PDGFD: variants seen among roughly 807,000 people sequenced by gnomAD.
The protein encoded by PDGFD is platelet-derived growth factor D.
In PDGFD, 30 loss-of-function variants were observed where a neutral mutation model predicts 44.7. The observed-to-expected ratio is 0.67, with a 90% CI of 0.50 to 0.91. The LOEUF is 0.91. Among genes scored for constraint, PDGFD ranks in the 40% least tolerant of loss-of-function variants. PDGFD has a pLI of 0.00. For missense variants in PDGFD, 445 were observed against 457.8 expected (o/e 0.97, Z 0.25); for synonymous variants, 173 against 168.4 (o/e 1.03, Z -0.21).
intron 3 of PDGFD, among the ~76,000 whole-genome samples, chr11:103,981,906 C>A (rs781340569): frequency 1.3e-5 from 2 of 151,838 alleles, no homozygotes; most frequent in Non-Finnish European, 2.9e-5. Context: ...TATGGTGTTA[C>A]AGTTACACAG....
chr11:104,031,323 G>T (rs1410883891), intron 1 of PDGFD, among the ~76,000 whole-genome samples: 1 of 152,140 alleles, frequency 6.6e-6, no homozygotes, highest in African/African-American at 2.4e-5. Flanking sequence ...ATTAAAAAGT[G>T]GGCAAAGGAC....
intron 3 of PDGFD, among the ~76,000 whole-genome samples, chr11:103,993,550 C>T (rs1241305465): frequency 2.0e-5 from 3 of 151,996 alleles, no homozygotes; most frequent in Non-Finnish European, 4.4e-5. Context: ...TTAATTTACA[C>T]CTGGCCTACT....
intron 1 of PDGFD, among the ~76,000 whole-genome samples, chr11:104,035,688 T>C (rs770343777): frequency 5.9e-5 from 9 of 151,980 alleles, no homozygotes; most frequent in Non-Finnish European, 1.2e-4. Flanking sequence ...CTTCATATCC[T>C]GGTATTCAAA....
chr11:104,088,541 C>A (rs755365781), intron 1 of PDGFD, among the ~76,000 whole-genome samples: 1 of 152,158 alleles, frequency 6.6e-6, no homozygotes, highest in Non-Finnish European at 1.5e-5. Context: ...AGATACCATA[C>A]TTTTTAAACA....
chr11:104,161,705 C>T (rs938556093), intron 1 of PDGFD, among the ~76,000 whole-genome samples: 2 of 152,176 alleles, frequency 1.3e-5, no homozygotes, highest in Non-Finnish European at 2.9e-5. Context: ...ATTGTGTTCA[C>T]CCTCTAAGAT....
At chr11:104,070,665 T>C (rs193291222) in intron 1 of PDGFD, among the ~76,000 whole-genome samples, 88 of 152,046 alleles carry the variant, frequency 5.8e-4, no homozygotes, top group African/African-American at 1.6e-3. Flanking sequence ...TGCACCTTCA[T>C]TTTTTTTAGC....
intron 1 of PDGFD, among the ~76,000 whole-genome samples, chr11:104,022,326 A>G (rs67705319): frequency 0.01 from 1,536 of 152,304 alleles, 12 homozygotes; most frequent in Non-Finnish European, 0.017. Context: ...CCACTGGGAT[A>G]CTGTTCAAGA....
At chr11:104,086,861 CT>C (rs1193927209) in intron 1 of PDGFD, among the ~76,000 whole-genome samples, 3 of 152,084 alleles carry the variant, frequency 2.0e-5, no homozygotes, top group African/African-American at 7.2e-5. Flanking sequence ...AAATAATGTC[CT>C]TATTACAGAT....
At chr11:103,916,106 T>C (rs917031653) in intron 6 of PDGFD, among the ~76,000 whole-genome samples, 1 of 152,060 alleles carries the variant, frequency 6.6e-6, no homozygotes, top group East Asian at 1.9e-4. Flanking sequence ...CTGATTAAAC[T>C]ATAGAGCTTC....
chr11:103,947,794 A>G lies in PDGFD; in HGVS notation c.511-70T>C, dbSNP rs1858686812. Reference sequence around the variant, plus strand: ...AATTCATTATGTGCACAGTTTCAACATCTCAGCCTTCTGAATCTTTTTCCA... The same window carrying G: ...AATTCATTATGTGCACAGTTTCAACGTCTCAGCCTTCTGAATCTTTTTCCA... On this transcript the variant is annotated intron_variant, in intron 3 of 6. Coordinates refer to ENST00000393158, the MANE Select transcript of PDGFD (RefSeq NM_025208.5). 8.0e-6 allele frequency: 9 copies of G among 1,131,464 alleles called. No individual in the cohort carries two copies. The East Asian group carries it at 2.1e-4, about 27-fold the overall frequency. The allele number at this position is 1,131,464 out of a possible 1,614,324, so 70.1% of individuals were successfully genotyped here.
chr11:104,003,452 C>T (rs1859650067), intron 1 of PDGFD, among the ~76,000 whole-genome samples: 1 of 152,156 alleles, frequency 6.6e-6, no homozygotes, highest in Non-Finnish European at 1.5e-5. Flanking sequence ...CCTGGAGCAT[C>T]AAGGTCTCCT....
At chr11:103,938,287 C>A (rs1400081471) in intron 5 of PDGFD, among the ~76,000 whole-genome samples, 2 of 152,184 alleles carry the variant, frequency 1.3e-5, no homozygotes, top group Non-Finnish European at 2.9e-5. Flanking sequence ...TTTTGATTTG[C>A]ATTTCTCTGA....
At chr11:103,979,764 T>C (rs1859238978) in intron 3 of PDGFD, among the ~76,000 whole-genome samples, 1 of 152,140 alleles carries the variant, frequency 6.6e-6, no homozygotes, top group African/African-American at 2.4e-5. Flanking sequence ...TGCTTTGCCA[T>C]TCTGCCTATA....
chr11:103,997,179 G>A (rs192831440), intron 2 of PDGFD, among the ~76,000 whole-genome samples: 14 of 152,188 alleles, frequency 9.2e-5, no homozygotes, highest in Admixed American at 3.9e-4. Flanking sequence ...TCAGTATCTC[G>A]CTCCTACAAT....
chr11:103,993,927 CA>C lies in PDGFD; in HGVS notation c.510+2137del, dbSNP rs138781306. ...CAAGAATGTTGTAATATCATCATTT[CA>C]AAAAAAAAACACAAAATTGAATATA... is the stretch of plus-strand genomic sequence containing the variant. On this transcript the variant is annotated intron_variant, in intron 3 of 6. Transcript: ENST00000393158. Among the ~76,000 whole-genome samples, 56 of 144,950 alleles carry C rather than the reference CA, an allele frequency of 3.9e-4. No individual in the cohort carries two copies. The South Asian group carries it at 4.2e-3, about 11-fold the overall frequency.
chr11:103,979,351 A>G (rs1311741480), intron 3 of PDGFD, among the ~76,000 whole-genome samples: 1 of 151,988 alleles, frequency 6.6e-6, no homozygotes, highest in Non-Finnish European at 1.5e-5. Context: ...CTTTCTTCCT[A>G]TGTGAATCAT....
intron 1 of PDGFD, among the ~76,000 whole-genome samples, chr11:104,099,591 C>T (rs549553071): frequency 2.0e-5 from 3 of 150,972 alleles, no homozygotes; most frequent in Non-Finnish European, 4.4e-5. Context: ...CAGATTGCAC[C>T]ACTACACTGC....
intron 1 of PDGFD, chr11:104,039,315 A>T (rs543379376): frequency 6.4e-6 from 1 of 156,870 alleles, no homozygotes; most frequent in South Asian, 2.1e-4. Context: ...TCAAGCACTA[A>T]AACCTCATTA....
At chr11:104,100,834 C>A (rs1443644939) in intron 1 of PDGFD, among the ~76,000 whole-genome samples, 1 of 152,100 alleles carries the variant, frequency 6.6e-6, no homozygotes, top group Non-Finnish European at 1.5e-5. Context: ...CATATAAACA[C>A]AACCAACGAC....
Sources: gnomAD v4.1 joint callset for allele counts (sites outside exome capture counted in the v4.1 genomes callset) on GRCh38, gnomAD v4.1.1 for gene constraint, MANE v1.5 for transcripts, NCBI Gene and HGNC (gene_info 2026-07-23, HGNC 2026-07-21) for gene names.